Variants in FOXN3 observed in about 807,000 individuals in gnomAD.
The protein encoded by FOXN3 is forkhead box N3.
In FOXN3, 7 loss-of-function variants were observed where a neutral mutation model predicts 38.4. The observed-to-expected ratio is 0.18, with a 90% CI of 0.10 to 0.34. The LOEUF (loss-of-function observed/expected upper bound fraction) is 0.34. FOXN3 is among the 10% of genes least tolerant of loss of function. FOXN3 has a pLI of 1.00. For synonymous variants in FOXN3, 230 were observed against 242.2 expected (o/e 0.95, Z 0.47); for missense variants, 456 against 613.4 (o/e 0.74, Z 2.71).
At chr14:89,410,141 A>C (rs1891504379) in intron 2 of FOXN3, among the ~76,000 whole-genome samples, 1 of 145,208 alleles carries the variant, frequency 6.9e-6, no homozygotes, top group African/African-American at 2.5e-5. Flanking sequence ...AGTGAAGAGC[A>C]TTTGCACACA....
At chr14:89,261,881 T>A (rs1246855925) in intron 4 of FOXN3, among the ~76,000 whole-genome samples, 1 of 151,918 alleles carries the variant, frequency 6.6e-6, no homozygotes. Flanking sequence ...TGAGCCAAGA[T>A]CATGTCAACT....
chr14:89,298,472 T>TAAAAAAA (rs55856005), intron 3 of FOXN3, among the ~76,000 whole-genome samples: 1 of 123,586 alleles, frequency 8.1e-6, no homozygotes, highest in Non-Finnish European at 1.7e-5. Flanking sequence ...TCCGTCTATT[T>TAAAAAAA]AAAAAAAAAA....
At chr14:89,258,293 G>A (rs1885689164) in intron 4 of FOXN3, among the ~76,000 whole-genome samples, 1 of 152,144 alleles carries the variant, frequency 6.6e-6, no homozygotes, top group Non-Finnish European at 1.5e-5. Flanking sequence ...TCAACCCCCT[G>A]GAAGGGAGGA....
At chr14:89,413,199 C>T (rs751175465) in intron 1 of FOXN3, among the ~76,000 whole-genome samples, 3 of 152,142 alleles carry the variant, frequency 2.0e-5, no homozygotes, top group South Asian at 2.1e-4. Flanking sequence ...CAGCACCCAA[C>T]GTAACACAGA....
intron 1 of FOXN3, among the ~76,000 whole-genome samples, chr14:89,547,011 C>A (rs1044493998): frequency 4.0e-5 from 6 of 151,740 alleles, no homozygotes; most frequent in Admixed American, 2.6e-4. Flanking sequence ...TCTCGAACTC[C>A]TGACCTTAAG....
At chr14:89,450,353 A>G (rs151144886) in intron 1 of FOXN3, among the ~76,000 whole-genome samples, 3,080 of 152,254 alleles carry the variant, frequency 0.02, 32 homozygotes, top group Middle Eastern at 0.037. Flanking sequence ...ATAAGGTCCC[A>G]TTTCTGAGGT....
chr14:89,330,891 T>C (rs1240080699), intron 3 of FOXN3, among the ~76,000 whole-genome samples: 1 of 152,172 alleles, frequency 6.6e-6, no homozygotes, highest in African/African-American at 2.4e-5. Context: ...CCTGTTTGCC[T>C]CAGAATCCTC....
chr14:89,310,280 G>T (rs1275033213), intron 3 of FOXN3, among the ~76,000 whole-genome samples: 1 of 152,212 alleles, frequency 6.6e-6, no homozygotes, highest in African/African-American at 2.4e-5. Context: ...GGACTCACAG[G>T]GGGTCGGGCA....
intron 1 of FOXN3, among the ~76,000 whole-genome samples, chr14:89,529,518 G>C (rs374901754): frequency 6.6e-6 from 1 of 151,988 alleles, no homozygotes; most frequent in Non-Finnish European, 1.5e-5. Context: ...TGGGAAACTG[G>C]GACAGAAAAT....
intron 1 of FOXN3, among the ~76,000 whole-genome samples, chr14:89,446,948 G>T (rs1235010134): frequency 2.0e-5 from 3 of 152,212 alleles, no homozygotes; most frequent in Non-Finnish European, 2.9e-5. Context: ...TGTAATTCCA[G>T]CACTTTGGGA....
chr14:89,308,489 T>C (rs957929588), intron 3 of FOXN3, among the ~76,000 whole-genome samples: 2 of 152,186 alleles, frequency 1.3e-5, no homozygotes, highest in African/African-American at 4.8e-5. Flanking sequence ...AGGCTGTACC[T>C]GGGGAAAGGT....
chr14:89,537,805 A>G (rs1894719252), intron 1 of FOXN3, among the ~76,000 whole-genome samples: 1 of 152,224 alleles, frequency 6.6e-6, no homozygotes, highest in Admixed American at 6.5e-5. Context: ...CATATCTATA[A>G]AAGAGGCTCA....
chr14:89,237,010 T>C (rs1041096842), intron 4 of FOXN3, among the ~76,000 whole-genome samples: 5 of 152,166 alleles, frequency 3.3e-5, no homozygotes, highest in African/African-American at 7.2e-5. Flanking sequence ...AGAAGACAAA[T>C]TCCCCCTGGA....
At chr14:89,277,565 T>C (rs548947605) in intron 4 of FOXN3, among the ~76,000 whole-genome samples, 163 of 152,260 alleles carry the variant, frequency 1.1e-3, no homozygotes, top group South Asian at 5.6e-3. Flanking sequence ...CGAGAGGTGA[T>C]TCAGCAGCCC....
chr14:89,325,341 C>G (rs1041800368), intron 3 of FOXN3, among the ~76,000 whole-genome samples: 13 of 147,348 alleles, frequency 8.8e-5, no homozygotes, highest in Non-Finnish European at 1.2e-4. Context: ...CCACCACCAC[C>G]ACCACCACCA....
At chr14:89,172,820 T>G (rs1887424420) in intron 5 of FOXN3, among the ~76,000 whole-genome samples, 1 of 152,240 alleles carries the variant, frequency 6.6e-6, no homozygotes, top group African/African-American at 2.4e-5. Flanking sequence ...TTTAAGTGTA[T>G]CTTTATCTCA....
chr14:89,605,946 C>T (rs1371763488), intron 1 of FOXN3, among the ~76,000 whole-genome samples: 1 of 151,954 alleles, frequency 6.6e-6, no homozygotes, highest in Admixed American at 6.5e-5. Flanking sequence ...AAGACCCCAT[C>T]TCTACTAAAA....
intron 2 of FOXN3, among the ~76,000 whole-genome samples, chr14:89,371,178 A>G (rs556632237): frequency 6.6e-6 from 1 of 152,324 alleles, no homozygotes; most frequent in Admixed American, 6.5e-5. Flanking sequence ...GAGGCTGCGA[A>G]GAGGCTCACT....
chr14:89,544,134 C>T (rs889478704), intron 1 of FOXN3, among the ~76,000 whole-genome samples: 1 of 151,784 alleles, frequency 6.6e-6, no homozygotes, highest in Non-Finnish European at 1.5e-5. Flanking sequence ...CTTGCTCTGT[C>T]GCCCAGGCTG....
Sources: gnomAD v4.1 joint callset for allele counts (sites outside exome capture counted in the v4.1 genomes callset) on GRCh38, gnomAD v4.1.1 for gene constraint, MANE v1.5 for transcripts, NCBI Gene and HGNC (gene_info 2026-07-23, HGNC 2026-07-21) for gene names.